The following TRAPPC6A variants were observed in gnomAD, a reference collection of about 807,000 sequenced individuals.
TRAPPC6A encodes the protein trafficking protein particle complex subunit 6A.
In TRAPPC6A, 25 loss-of-function variants were observed where a neutral mutation model predicts 20.8. That is an observed-to-expected ratio of 1.20 (90% CI 0.88 to 1.68). TRAPPC6A has a LOEUF of 1.68. Among genes scored for constraint, TRAPPC6A ranks in the 40% most tolerant of loss-of-function variants. The pLI, the probability that TRAPPC6A is intolerant of heterozygous loss-of-function variation, is 0.00. For missense variants in TRAPPC6A, 215 were observed against 211.6 expected, an observed-to-expected ratio of 1.02 and a Z score of -0.10; for synonymous variants, 96 against 93.3, an observed-to-expected ratio of 1.03 and a Z score of -0.16.
Position 45,165,207 on chromosome 19 carries a change from G to A in TRAPPC6A, c.85-13C>T. On this transcript the variant is annotated splice_polypyrimidine_tract_variant and intron_variant, in intron 1 of 5. Coordinates refer to ENST00000585934, the MANE Select transcript of TRAPPC6A (RefSeq NM_001270891.2). ...TCATCTTCTGTCCCTAGAAGGCCAG[G>A]GGAGAGATGCTCAGGGGCCCTTAGC... 1.3e-6 allele frequency: 2 copies of A among 1,588,936 alleles called. No homozygotes were observed. The highest frequency in any genetic ancestry group is 2.3e-5 in the South Asian group (2 of 87,664).
chr19:45,163,988 G>T lies in TRAPPC6A; in HGVS notation c.376C>A (p.Leu126Ile). 6.3e-7 allele frequency: 1 copy of T among 1,576,050 alleles called. No individual in the cohort carries two copies. The highest frequency in any genetic ancestry group is 1.2e-5 in the South Asian group (1 of 85,764). ...AGGGTATAGAGGGCGCCGCGCAGGA[G>T]GCCGCAGGTGAAGGCCAGGAACTGA... ...APKFLAFTCG[L>I]LRGALYTLGI... Residue 126 changes from leucine to isoleucine, a missense_variant, in exon 5 of 6, where the codon CTC becomes ATC. By Grantham distance (5) the Leu-to-Ile change is conservative. Coordinates refer to ENST00000585934, the MANE Select transcript of TRAPPC6A (RefSeq NM_001270891.2). This position sits in a 1 kb window ranked among gnomAD's most constrained non-coding sequence, Gnocchi z 5.3.
chr19:45,177,191 G>GCACACA (rs57127361), intron 1 of TRAPPC6A, among the ~76,000 whole-genome samples: 12,871 of 147,908 alleles, frequency 0.087, 689 homozygotes, highest in Admixed American at 0.14. Flanking sequence ...GCGCGTGCGC[G>GCACACA]CACACACACA....
chr19:45,164,317 G>T, intron 3 of TRAPPC6A, 70 bp from the exon 4 acceptor site: 2 of 1,048,102 alleles, frequency 1.9e-6, no homozygotes, highest in Non-Finnish European at 2.8e-6. Flanking sequence ...GGGTAAGCAG[G>T]AACCCAGGTC....
intron 3 of TRAPPC6A, 48 bp downstream of exon 3, chr19:45,164,805 G>T (rs754152965): frequency 1.3e-6 from 2 of 1,559,408 alleles, no homozygotes; most frequent in East Asian, 2.2e-5. Context: ...CACTCTCTTG[G>T]TCTTGCCCTC....
rs923796079 is a variant in TRAPPC6A at position 45,165,288 on chromosome 19, C to G, written c.85-94G>C. The G allele has an allele frequency of 5.0e-6, 6 of 1,203,800 alleles. No individual in the cohort carries two copies. In the African/African-American group the frequency reaches 9.0e-5, roughly 18 times the overall value. The allele number at this position is 1,203,800 out of a possible 1,614,324, so 74.6% of individuals were successfully genotyped here. Reference sequence around the variant, plus strand: ...ACCTGCCAGGGGACCCAAAGACCAACTTGCTGGTGCTCGTCAGTTCAGGGG... The same window carrying G: ...ACCTGCCAGGGGACCCAAAGACCAAGTTGCTGGTGCTCGTCAGTTCAGGGG... On this transcript the variant is annotated intron_variant, in intron 1 of 5. Coordinates refer to ENST00000585934, the MANE Select transcript of TRAPPC6A (RefSeq NM_001270891.2).
At chr19:45,164,798 T>A in intron 3 of TRAPPC6A, 55 bp downstream of exon 3, 4 of 1,532,514 alleles carry the variant, frequency 2.6e-6, no homozygotes, top group Non-Finnish European at 3.6e-6. Context: ...CCCCTCCCAC[T>A]CTCTTGGTCT....
intron 1 of TRAPPC6A, among the ~76,000 whole-genome samples, chr19:45,170,444 G>T (rs146361771): frequency 1.6e-4 from 25 of 152,228 alleles, no homozygotes; most frequent in African/African-American, 6.0e-4. Context: ...GCAGGAGTGG[G>T]CTGTGAAGGC....
intron 1 of TRAPPC6A, among the ~76,000 whole-genome samples, chr19:45,166,865 A>C (rs890437734): frequency 1.3e-5 from 2 of 151,964 alleles, no homozygotes; most frequent in African/African-American, 2.4e-5. Flanking sequence ...GGGGATGCGA[A>C]TTCTCTGCTT....
At chr19:45,176,420 C>T (rs1000026742) in intron 1 of TRAPPC6A, among the ~76,000 whole-genome samples, 15 of 151,876 alleles carry the variant, frequency 9.9e-5, no homozygotes, top group Non-Finnish European at 1.8e-4. Flanking sequence ...GCCAAGATTG[C>T]GCCACTGCAC....
chr19:45,172,914 G>A lies in TRAPPC6A; in HGVS notation c.84+5221C>T, dbSNP rs888949859. 3.3e-5 allele frequency among the ~76,000 whole-genome samples: 5 copies of A among 151,742 alleles called. No homozygotes were observed. The highest frequency in any genetic ancestry group is 7.3e-5 in the Non-Finnish European group (5 of 68,038). On this transcript the variant is annotated intron_variant, in intron 1 of 5. Transcript: ENST00000585934. The surrounding 1 kb of genome is among the most constrained non-coding windows in gnomAD (Gnocchi z 4.2). Reference sequence around the variant, plus strand: ...CGGGATGGAGCCCCAGTTCCCAGGAGGGCCTCGCTGGAGCTCCCAGCCACA... The same window carrying A: ...CGGGATGGAGCCCCAGTTCCCAGGAAGGCCTCGCTGGAGCTCCCAGCCACA...
chr19:45,170,671 G>A (rs2240742), intron 1 of TRAPPC6A, among the ~76,000 whole-genome samples: 24,376 of 152,228 alleles, frequency 0.16, 2,190 homozygotes, highest in African/African-American at 0.23. Context: ...CAACCATCCC[G>A]TGCCTCAGTT....
chr19:45,177,191 G>GCGCGCACACACACA (rs61484972), intron 1 of TRAPPC6A, among the ~76,000 whole-genome samples: 6 of 147,998 alleles, frequency 4.1e-5, no homozygotes, highest in African/African-American at 1.5e-4. Flanking sequence ...GCGCGTGCGC[G>GCGCGCACACACACA]CACACACACA....
intron 1 of TRAPPC6A, among the ~76,000 whole-genome samples, chr19:45,168,975 A>G (rs73564247): frequency 0.18 from 26,866 of 152,170 alleles, 3,017 homozygotes; most frequent in African/African-American, 0.31. Flanking sequence ...CCTCGCCCTC[A>G]TGGGTGACAA....
rs573214262 is a variant in TRAPPC6A, at chr19:45,165,987, C to A, written c.85-793G>T. Among the ~76,000 whole-genome samples the A allele has an allele frequency of 3.2e-4, 49 of 152,206 alleles. 1 individual carries two copies. In the South Asian group the frequency reaches 9.8e-3, roughly 30 times the overall value. The stretch of plus-strand genomic sequence containing the variant: ...ATGCAGTGGCCCAATCTCTGACTCA[C>A]TGCAACCTCCGCCTCCCGGGTTCTA... On this transcript the variant is annotated intron_variant, in intron 1 of 5. Transcript: ENST00000585934.
At position 45,163,324 on chromosome 19, in the gene TRAPPC6A, C is replaced by T. The variant is rs1969053217; in HGVS notation, c.449-101G>A. On this transcript the variant is annotated intron_variant, in intron 5 of 5. Transcript: ENST00000585934. This position sits in a 1 kb window ranked among gnomAD's most constrained non-coding sequence, Gnocchi z 5.3. ...TCACCCCCGTCCTGCACTGACACCC[C>T]AGTGGCTAGGTTGGGCTGTTTCCTC... is the stretch of plus-strand genomic sequence containing the variant. 2 of 1,339,754 alleles carry T rather than the reference C, an allele frequency of 1.5e-6. No individual in the cohort carries two copies. The highest frequency in any genetic ancestry group is 1.1e-6 in the Non-Finnish European group (1 of 949,544). The allele number at this position is 1,339,754 out of a possible 1,614,324, so 83.0% of individuals were successfully genotyped here.
intron 1 of TRAPPC6A, among the ~76,000 whole-genome samples, chr19:45,169,186 C>T (rs868622907): frequency 1.3e-5 from 2 of 152,214 alleles, no homozygotes; most frequent in Non-Finnish European, 2.9e-5. Flanking sequence ...CTACCAGCGG[C>T]GCAGGTGCAG....
intron 3 of TRAPPC6A, 127 bp downstream of exon 3, chr19:45,164,726 C>T (rs541924474): frequency 2.5e-5 from 21 of 844,206 alleles, no homozygotes; most frequent in Non-Finnish European, 3.4e-5. Flanking sequence ...GCAAGAGCTG[C>T]GGCCGCCTGT....
intron 1 of TRAPPC6A, among the ~76,000 whole-genome samples, chr19:45,167,437 C>A (rs1278481254): frequency 6.6e-6 from 1 of 152,190 alleles, no homozygotes; most frequent in Non-Finnish European, 1.5e-5. Context: ...GTGAGCTATA[C>A]ATACGTTTAA....
chr19:45,163,018 G>GTC lies in TRAPPC6A; in HGVS notation c.*173_*174insGA. 7.7e-6 allele frequency: 5 copies of GTC among 646,100 alleles called. No homozygotes were observed. Among genetic ancestry groups the GTC allele is most frequent in the Admixed American group, 3.0e-5 (1 of 33,588 alleles). The allele number at this position is 646,100 out of a possible 1,614,324, so 40.0% of individuals were successfully genotyped here. A position where few individuals can be genotyped will look rare whatever the true frequency, so the allele number is the denominator to read the frequency against. ...CCCACCACAGTCCTGACCGCAGCTG[G>GTC]GACCCCTTTGCCTCCTCTGACACCC... is the stretch of plus-strand genomic sequence containing the variant. On this transcript the variant is annotated 3_prime_UTR_variant, in exon 6 of 6. Transcript: ENST00000585934. The surrounding 1 kb of genome is among the most constrained non-coding windows in gnomAD (Gnocchi z 5.3).
Sources: allele counts gnomAD v4.1 joint callset (sites outside exome capture counted in the v4.1 genomes callset), GRCh38; gene constraint gnomAD v4.1.1; non-coding constraint Gnocchi (gnomAD v3.1); transcripts MANE v1.5; gene names NCBI Gene and HGNC (gene_info 2026-07-23, HGNC 2026-07-21).